Variants in LRRC7 observed in about 807,000 individuals in gnomAD.
The protein encoded by LRRC7 is leucine-rich repeat-containing protein 7.
LRRC7 carries 23 observed loss-of-function variants against 175.7 expected under a neutral mutation model. The observed-to-expected ratio is 0.13, with a 90% CI of 0.09 to 0.19. LRRC7 has a LOEUF of 0.19. Among genes scored for constraint, LRRC7 ranks in the 10% least tolerant of loss-of-function variants. The pLI is 1.00. For missense variants in LRRC7, 1,354 were observed against 1,904.7 expected, an observed-to-expected ratio of 0.71 and a Z score of 5.38; for synonymous variants, 685 against 680.9, an observed-to-expected ratio of 1.01 and a Z score of -0.09.
chr1:69,909,640 G>T (rs868463269), intron 7 of LRRC7, among the ~76,000 whole-genome samples: 2 of 152,070 alleles, frequency 1.3e-5, no homozygotes, highest in South Asian at 4.2e-4. Context: ...TGAGAGATCC[G>T]CTGTTAGTCT....
chr1:69,931,867 G>A (rs1277430993), intron 8 of LRRC7, among the ~76,000 whole-genome samples: 1 of 152,114 alleles, frequency 6.6e-6, no homozygotes, highest in Non-Finnish European at 1.5e-5. Context: ...TAATGGAAAT[G>A]AACTTAAAAT....
intron 8 of LRRC7, among the ~76,000 whole-genome samples, chr1:69,943,013 A>G (rs1220345024): frequency 6.6e-6 from 1 of 152,102 alleles, no homozygotes; most frequent in Non-Finnish European, 1.5e-5. Context: ...CATTAGTGTT[A>G]GTATATTTTT....
chr1:70,117,872 A>G (rs555322888), intron 26 of LRRC7, among the ~76,000 whole-genome samples: 1 of 152,332 alleles, frequency 6.6e-6, no homozygotes, highest in South Asian at 2.1e-4. Context: ...ATGCAGCAAT[A>G]AAATTTAAAT....
rs188187359 is a variant in LRRC7 at position 69,975,127 on chromosome 1, A to T, written c.712-5252A>T. Among the ~76,000 whole-genome samples the T allele has an allele frequency of 3.9e-5, 6 of 152,314 alleles. No individual in the cohort carries two copies. In the East Asian group the frequency reaches 1.2e-3, roughly 29 times the overall value. On this transcript the variant is annotated intron_variant, in intron 8 of 26. Coordinates refer to ENST00000651989, the MANE Select transcript of LRRC7 (RefSeq NM_001370785.2). ...CTTTCCAAGTAGCCATAGATACCTA[A>T]AGTCCCCAGTAAAACCCAGAATTAG...
At position 70,044,010 on chromosome 1, in the gene LRRC7, TTCAGCAATGCA is replaced by T; in HGVS notation, c.4028_4038del (p.Ser1343CysfsTer12). 6.2e-7 allele frequency: 1 copy of T among 1,613,564 alleles called. No individual in the cohort carries two copies. On this transcript the variant is annotated frameshift_variant, in exon 22 of 27. Coordinates refer to ENST00000651989, the MANE Select transcript of LRRC7 (RefSeq NM_001370785.2). LOFTEE classifies it high-confidence loss of function. ...TTGGCATGCTGCCCTATGGAGGTAT[TTCAGCAATGCA>T]TGCAGGCAGAAGCATGACTTTAAAC...
rs565621932 is a variant in LRRC7, at chr1:70,028,247, T to C, written c.1871T>C (p.Leu624Ser). 8 of 1,613,832 alleles carry C rather than the reference T, an allele frequency of 5.0e-6. No individual in the cohort carries two copies. In the South Asian group the frequency reaches 8.8e-5, roughly 18 times the overall value. Residue 624 changes from leucine to serine, a missense_variant, in exon 18 of 27, where the codon TTG becomes TCG. Physicochemically the swap from Leu to Ser is moderately radical, Grantham distance 145 (BLOSUM62 -2). Coordinates refer to ENST00000651989, the MANE Select transcript of LRRC7 (RefSeq NM_001370785.2). ...LKNMVKSVQN[L>S]VGKPSHGVRV... is the part of the protein sequence containing the mutation. ...AATATGGTAAAATCTGTTCAAAATT[T>C]GGTGGGTAAGCCAAGCCATGGAGTG...
In LRRC7 at chr1:70,122,359, G is replaced by C. The variant is rs1194896431; in HGVS notation, c.*472G>C. 1 of 151,964 alleles carries C rather than the reference G, an allele frequency of 6.6e-6. No homozygotes were observed. Among genetic ancestry groups the C allele is most frequent in the African/African-American group, 2.4e-5 (1 of 41,336 alleles). The allele number at this position is 151,964 out of a possible 1,614,324, so 9.4% of individuals were successfully genotyped here. On this transcript the variant is annotated 3_prime_UTR_variant, in exon 27 of 27. Coordinates refer to ENST00000651989, the MANE Select transcript of LRRC7 (RefSeq NM_001370785.2). ...TTGGCATATATACAAAAAGAATATA[G>C]AGAAAAACAATATTTTCATAAACTA...
intron 1 of LRRC7, among the ~76,000 whole-genome samples, chr1:69,626,872 C>A (rs536528927): frequency 5.9e-5 from 9 of 151,948 alleles, no homozygotes; most frequent in Admixed American, 5.2e-4. Flanking sequence ...TGGTTTCCAG[C>A]TTCATCCATG....
chr1:69,702,776 TTTATTA>T (rs1252176502), intron 2 of LRRC7, among the ~76,000 whole-genome samples: 3 of 152,008 alleles, frequency 2.0e-5, no homozygotes, highest in African/African-American at 7.2e-5. Flanking sequence ...ACTTTGGGAG[TTTATTA>T]TTAAGATGAA....
At chr1:69,990,780 A>G (rs774119736) in intron 10 of LRRC7, among the ~76,000 whole-genome samples, 2 of 152,176 alleles carry the variant, frequency 1.3e-5, no homozygotes, top group Non-Finnish European at 2.9e-5. Context: ...AGTTATAAAT[A>G]AGATGGTAAA....
chr1:69,938,485 G>A (rs1324535323), intron 8 of LRRC7, among the ~76,000 whole-genome samples: 1 of 151,862 alleles, frequency 6.6e-6, no homozygotes, highest in Admixed American at 6.6e-5. Context: ...TCAAAGAAAT[G>A]AATTAAAGAA....
chr1:69,919,871 T>TC (rs1302730374), intron 7 of LRRC7: 1 of 656,214 alleles, frequency 1.5e-6, no homozygotes, highest in Non-Finnish European at 2.7e-6. Flanking sequence ...GCCTCGGGGT[T>TC]CCCCCGCTGC....
At chr1:69,633,771 A>G (rs1245041) in intron 1 of LRRC7, among the ~76,000 whole-genome samples, 19,542 of 152,228 alleles carry the variant, frequency 0.13, 1,600 homozygotes, top group South Asian at 0.19. Context: ...AACTCTTTTT[A>G]TTATTTTACT....
intron 1 of LRRC7, 108 bp downstream of exon 1, chr1:69,568,749 T>TG: frequency 3.1e-6 from 1 of 326,346 alleles, no homozygotes; most frequent in Non-Finnish European, 5.0e-6. Flanking sequence ...GGGGCGGGGG[T>TG]GGCAGGGCGG....
chr1:69,691,457 C>T (rs1017425832), intron 2 of LRRC7, among the ~76,000 whole-genome samples: 1 of 151,962 alleles, frequency 6.6e-6, no homozygotes, highest in Non-Finnish European at 1.5e-5. Flanking sequence ...GGTATACAGT[C>T]ATCACTCTAA....
At chr1:69,636,730 T>G (rs1342516777) in intron 1 of LRRC7, among the ~76,000 whole-genome samples, 1 of 151,962 alleles carries the variant, frequency 6.6e-6, no homozygotes, top group Non-Finnish European at 1.5e-5. Context: ...ACCTCAGAGT[T>G]GAAATTCACC....
intron 3 of LRRC7, among the ~76,000 whole-genome samples, chr1:69,761,186 T>C (rs1205647615): frequency 2.0e-5 from 3 of 151,956 alleles, no homozygotes; most frequent in African/African-American, 4.8e-5. Flanking sequence ...CCAGATTAAG[T>C]AGTTAGCATG....
At chr1:69,874,110 A>G (rs942464118) in intron 7 of LRRC7, 10 of 152,056 alleles carry the variant, frequency 6.6e-5, no homozygotes, top group African/African-American at 2.4e-4. Flanking sequence ...CTGATGATTG[A>G]TTGATTTTAT....
chr1:69,863,297 G>A (rs192076256), intron 7 of LRRC7, among the ~76,000 whole-genome samples: 1,786 of 152,102 alleles, frequency 0.012, 53 homozygotes, highest in Admixed American at 0.066. Context: ...CCAACCCCAG[G>A]CACCTTCCAA....
Sources: gnomAD v4.1 joint callset for allele counts (sites outside exome capture counted in the v4.1 genomes callset) on GRCh38, gnomAD v4.1.1 for gene constraint, MANE v1.5 for transcripts, NCBI Gene and HGNC (gene_info 2026-07-23, HGNC 2026-07-21) for gene names.